Variants in RBFOX1 observed in about 807,000 individuals in gnomAD.
The protein encoded by RBFOX1 is RNA binding protein fox-1 homolog 1.
In RBFOX1, 8 loss-of-function variants were observed where a neutral mutation model predicts 57.7. The observed-to-expected ratio is 0.14, with a 90% CI of 0.08 to 0.25. The LOEUF (loss-of-function observed/expected upper bound fraction) is 0.25. Ranked by LOEUF, RBFOX1 falls within the 10% of genes least tolerant of loss-of-function variation. The pLI is 1.00. For synonymous variants in RBFOX1, 326 were observed against 222.4 expected, an observed-to-expected ratio of 1.47 and a Z score of -4.15; for missense variants, 611 against 548.5, an observed-to-expected ratio of 1.11 and a Z score of -1.14.
At chr16:6,286,028 C>G (rs940950103) in intron 1 of RBFOX1, among the ~76,000 whole-genome samples, 2 of 152,154 alleles carry the variant, frequency 1.3e-5, no homozygotes, top group Non-Finnish European at 2.9e-5. Context: ...GGTGACGAGG[C>G]TGCATCAAAA....
At chr16:7,547,383 A>C (rs2084874290) in intron 5 of RBFOX1, among the ~76,000 whole-genome samples, 1 of 152,236 alleles carries the variant, frequency 6.6e-6, no homozygotes, top group Admixed American at 6.5e-5. Context: ...GTTTCTGCAA[A>C]CATAATTTAT....
chr16:7,091,187 C>T (rs1005490101), intron 4 of RBFOX1, among the ~76,000 whole-genome samples: 6 of 152,216 alleles, frequency 3.9e-5, no homozygotes, highest in African/African-American at 1.4e-4. Flanking sequence ...TTTTTACTCA[C>T]ATTTTCTCAT....
chr16:6,955,477 C>G (rs952155993), intron 3 of RBFOX1, among the ~76,000 whole-genome samples: 1 of 151,990 alleles, frequency 6.6e-6, no homozygotes, highest in Admixed American at 6.6e-5. Flanking sequence ...AAAATGATCA[C>G]ATTCAGGCAA....
Position 5,921,601 on chromosome 16 carries a change from T to C in RBFOX1, c.351+54266T>C, listed in dbSNP as rs112274879. 3.0e-3 allele frequency among the ~76,000 whole-genome samples: 459 copies of C among 152,078 alleles called. 5 individuals are homozygous for C. Among genetic ancestry groups the C allele is most frequent in the Middle Eastern group, 0.024 (7 of 294 alleles). ...GAAAGGTAATGAAGGGGATGAGAAA[T>C]AGGAAAAGGAAGTGTGTTAGGTGGT... On this transcript the variant is annotated intron_variant, in intron 4 of 19. Coordinates refer to the RBFOX1 transcript ENST00000641259.
intron 3 of RBFOX1, among the ~76,000 whole-genome samples, chr16:6,701,669 C>G (rs2061876231): frequency 6.6e-6 from 1 of 152,088 alleles, no homozygotes; most frequent in South Asian, 2.1e-4. Context: ...TTACCCAGCA[C>G]TATTCATAAT....
At chr16:6,961,798 A>G (rs940623533) in intron 3 of RBFOX1, among the ~76,000 whole-genome samples, 2 of 152,146 alleles carry the variant, frequency 1.3e-5, no homozygotes, top group Non-Finnish European at 2.9e-5. Flanking sequence ...TTAGCATGCT[A>G]ATGCGTTATA....
intron 3 of RBFOX1, among the ~76,000 whole-genome samples, chr16:6,964,072 G>A (rs2083571668): frequency 6.6e-6 from 1 of 151,976 alleles, no homozygotes; most frequent in Non-Finnish European, 1.5e-5. Context: ...AGGCTGGAGT[G>A]CAGTGGTGCA....
In RBFOX1 at chr16:7,514,803, C is replaced by T. The variant is rs570926395; in HGVS notation, c.28-3344C>T. ...CAATACAGAGATAGCTCGAAGTCTACAAGGAGCCTTAGCTCTTTTGCAAGA... is the reference window on the plus strand; with the variant it reads ...CAATACAGAGATAGCTCGAAGTCTATAAGGAGCCTTAGCTCTTTTGCAAGA... On this transcript the variant is annotated intron_variant, in intron 4 of 15. Transcript: ENST00000550418. 9.8e-5 allele frequency among the ~76,000 whole-genome samples: 15 copies of T among 152,324 alleles called. No individual in the cohort carries two copies. In the South Asian group the frequency reaches 2.9e-3, roughly 29 times the overall value.
intron 4 of RBFOX1, among the ~76,000 whole-genome samples, chr16:7,232,877 A>C (rs1164608888): frequency 6.7e-6 from 1 of 148,878 alleles, no homozygotes; most frequent in Non-Finnish European, 1.5e-5. Context: ...AAAAAGAATG[A>C]GGTAACAGAA....
chr16:5,418,169 C>T (rs2067211777), intron 1 of RBFOX1, among the ~76,000 whole-genome samples: 1 of 152,248 alleles, frequency 6.6e-6, no homozygotes, highest in Non-Finnish European at 1.5e-5. Flanking sequence ...AAAACCTTTT[C>T]TTATGCCCAT....
At chr16:5,438,252 A>G (rs1420472151) in intron 1 of RBFOX1, among the ~76,000 whole-genome samples, 6 of 152,188 alleles carry the variant, frequency 3.9e-5, no homozygotes, top group Non-Finnish European at 5.9e-5. Context: ...ACTCCCATCC[A>G]GTCATCACCT....
chr16:6,814,349 C>T (rs141110090), intron 3 of RBFOX1, among the ~76,000 whole-genome samples: 11 of 152,172 alleles, frequency 7.2e-5, no homozygotes, highest in Non-Finnish European at 1.5e-4. Flanking sequence ...CTGATCATGT[C>T]CTAAGTGTTT....
intron 4 of RBFOX1, chr16:7,304,127 C>T (rs1249798242): frequency 2.4e-6 from 2 of 841,566 alleles, no homozygotes; most frequent in African/African-American, 1.9e-5. Flanking sequence ...AGCACATCCC[C>T]AGGCGGGGAG....
chr16:6,794,156 C>G (rs192220993), intron 3 of RBFOX1, among the ~76,000 whole-genome samples: 1 of 152,066 alleles, frequency 6.6e-6, no homozygotes, highest in Non-Finnish European at 1.5e-5. Context: ...AAAGTGTTCC[C>G]TAAGTTCTTC....
intron 3 of RBFOX1, among the ~76,000 whole-genome samples, chr16:6,695,604 A>G (rs543746355): frequency 7.9e-5 from 12 of 152,194 alleles, no homozygotes; most frequent in Non-Finnish European, 1.6e-4. Context: ...CTCTCAATAT[A>G]TTTTCACTTG....
At chr16:7,007,986 A>C (rs1171582273) in intron 3 of RBFOX1, among the ~76,000 whole-genome samples, 1 of 152,192 alleles carries the variant, frequency 6.6e-6, no homozygotes, top group East Asian at 1.9e-4. Flanking sequence ...AAATGGTAGC[A>C]AAATAAAACC....
intron 4 of RBFOX1, among the ~76,000 whole-genome samples, chr16:7,071,990 C>G (rs949804789): frequency 6.6e-6 from 1 of 152,116 alleles, no homozygotes; most frequent in South Asian, 2.1e-4. Flanking sequence ...TCTATGAATT[C>G]CTCTCAAAAT....
At chr16:6,548,560 G>C (rs1317987160) in intron 2 of RBFOX1, among the ~76,000 whole-genome samples, 1 of 152,156 alleles carries the variant, frequency 6.6e-6, no homozygotes, top group African/African-American at 2.4e-5. Context: ...TCTCCAGGTA[G>C]TCACAGGGAT....
intron 4 of RBFOX1, among the ~76,000 whole-genome samples, chr16:7,402,451 C>G (rs1195084371): frequency 1.3e-5 from 2 of 152,100 alleles, no homozygotes; most frequent in African/African-American, 4.8e-5. Context: ...ATAATAGTAT[C>G]CCATCCTCTT....
Sources: allele counts gnomAD v4.1 joint callset (sites outside exome capture counted in the v4.1 genomes callset), GRCh38; gene constraint gnomAD v4.1.1; transcripts MANE v1.5; gene names NCBI Gene and HGNC (gene_info 2026-07-23, HGNC 2026-07-21).